The following PCLO variants were observed in gnomAD, a reference collection of about 807,000 sequenced individuals.
PCLO encodes piccolo presynaptic cytomatrix protein.
In PCLO, 82 loss-of-function variants were observed where a neutral mutation model predicts 427.5. That is an observed-to-expected ratio of 0.19 (90% CI 0.16 to 0.23). The LOEUF (loss-of-function observed/expected upper bound fraction) is 0.23. Ranked by LOEUF, PCLO falls within the 10% of genes least tolerant of loss-of-function variation. The probability of loss-of-function intolerance (pLI) is 1.00; values close to 1 mark genes in which losing one functional copy is unlikely to be tolerated. For missense variants in PCLO, 6,239 were observed against 6,115.9 expected, an observed-to-expected ratio of 1.02 and a Z score of -0.67; for synonymous variants, 2,357 against 2,155.4, an observed-to-expected ratio of 1.09 and a Z score of -2.59.
chr7:82,899,296 A>G (rs1013722131), intron 9 of PCLO, among the ~76,000 whole-genome samples: 6 of 151,440 alleles, frequency 4.0e-5, no homozygotes, highest in African/African-American at 1.5e-4. Flanking sequence ...AATGACACAG[A>G]GACTAGCCAG....
chr7:82,891,134 T>C (rs1208477079), intron 9 of PCLO, among the ~76,000 whole-genome samples: 1 of 152,128 alleles, frequency 6.6e-6, no homozygotes, highest in East Asian at 1.9e-4. Flanking sequence ...GTATCTTCCC[T>C]GCAAAATGAA....
intron 9 of PCLO, among the ~76,000 whole-genome samples, chr7:82,883,967 T>C (rs1025719298): frequency 3.3e-5 from 5 of 152,148 alleles, no homozygotes; most frequent in Non-Finnish European, 7.4e-5. Flanking sequence ...CAGGGGTTTT[T>C]GCCATGTTGG....
intron 16 of PCLO, among the ~76,000 whole-genome samples, chr7:82,832,707 G>T (rs1402186417): frequency 3.3e-5 from 5 of 151,366 alleles, no homozygotes; most frequent in Non-Finnish European, 5.9e-5. Context: ...AAATTTGAAG[G>T]CTTCTTTGGT....
intron 9 of PCLO, among the ~76,000 whole-genome samples, chr7:82,883,443 T>G (rs184291822): frequency 6.6e-6 from 1 of 152,112 alleles, no homozygotes; most frequent in East Asian, 1.9e-4. Flanking sequence ...TCCCTTTTTG[T>G]CCTATCAAAT....
At chr7:83,159,209 T>G (rs965662700) in intron 1 of PCLO, among the ~76,000 whole-genome samples, 1 of 152,104 alleles carries the variant, frequency 6.6e-6, no homozygotes, top group Non-Finnish European at 1.5e-5. Flanking sequence ...TTGCTTTCAC[T>G]TAAAATTCTT....
chr7:83,118,065 G>A (rs1791178399), intron 3 of PCLO, among the ~76,000 whole-genome samples: 1 of 152,070 alleles, frequency 6.6e-6, no homozygotes, highest in South Asian at 2.1e-4. Flanking sequence ...GAGTACAAAG[G>A]ATAAATTACT....
chr7:82,879,577 A>G, intron 9 of PCLO, 115 bp from the exon 10 acceptor site: 2 of 682,104 alleles, frequency 2.9e-6, no homozygotes, highest in South Asian at 2.1e-5. Context: ...ATATAACATG[A>G]ATATTGGAAA....
chr7:82,908,819 G>C (rs915925403), intron 8 of PCLO, 58 bp downstream of exon 8: 34 of 1,421,620 alleles, frequency 2.4e-5, no homozygotes, highest in Non-Finnish European at 3.1e-5. Flanking sequence ...GACCATTCTA[G>C]GGTAGACTTG....
intron 16 of PCLO, among the ~76,000 whole-genome samples, chr7:82,835,046 G>A (rs184090937): frequency 1.3e-5 from 2 of 151,904 alleles, no homozygotes; most frequent in Non-Finnish European, 2.9e-5. Context: ...CTAGGTTCAC[G>A]CTATTTTCCT....
At chr7:82,917,155 A>G (rs1406864428) in intron 6 of PCLO, among the ~76,000 whole-genome samples, 1 of 152,116 alleles carries the variant, frequency 6.6e-6, no homozygotes, top group Non-Finnish European at 1.5e-5. Flanking sequence ...TACTGAATCT[A>G]TTTCCAGAGT....
At chr7:83,039,223 A>G (rs1788909298) in intron 3 of PCLO, among the ~76,000 whole-genome samples, 1 of 151,944 alleles carries the variant, frequency 6.6e-6, no homozygotes, top group East Asian at 1.9e-4. Flanking sequence ...TAATTTTGAT[A>G]AAGTCTAATT....
At chr7:82,996,530 T>G (rs774029872) in intron 3 of PCLO, among the ~76,000 whole-genome samples, 1 of 151,942 alleles carries the variant, frequency 6.6e-6, no homozygotes, top group African/African-American at 2.4e-5. Context: ...ACAATCTTGA[T>G]AAAATGTAAA....
chr7:83,085,589 C>T (rs1419168099), intron 3 of PCLO, among the ~76,000 whole-genome samples: 1 of 152,120 alleles, frequency 6.6e-6, no homozygotes, highest in Non-Finnish European at 1.5e-5. Context: ...AAAAGAGGCA[C>T]TTGTGGATGA....
At chr7:82,896,249 G>A (rs918607959) in intron 9 of PCLO, among the ~76,000 whole-genome samples, 2 of 151,662 alleles carry the variant, frequency 1.3e-5, no homozygotes, top group Non-Finnish European at 2.9e-5. Context: ...TAAAATATGG[G>A]AGAAAATCTC....
chr7:82,963,203 C>T (rs1336508606), intron 4 of PCLO, among the ~76,000 whole-genome samples: 2 of 152,070 alleles, frequency 1.3e-5, no homozygotes, highest in East Asian at 1.9e-4. Context: ...TTATGCTATA[C>T]AAAATAATGT....
At chr7:83,094,210 C>CTGTTTTTT (rs61363541) in intron 3 of PCLO, among the ~76,000 whole-genome samples, 1 of 126,020 alleles carries the variant, frequency 7.9e-6, no homozygotes, top group Non-Finnish European at 1.6e-5. Context: ...ATTTTTTTTT[C>CTGTTTTTT]TTTTTTTTTT....
chr7:82,767,458 T>C (rs758493889), intron 22 of PCLO, among the ~76,000 whole-genome samples: 2 of 151,988 alleles, frequency 1.3e-5, no homozygotes, highest in Non-Finnish European at 2.9e-5. Flanking sequence ...ATGCCAGATC[T>C]AAGAACACTA....
In PCLO at chr7:82,915,692, T is replaced by C. The variant is rs1794434302; in HGVS notation, c.12294A>G (p.Leu4098=). The part of the protein sequence containing the change: ...SQEVTDFLAP[L]QSSSRLHSYV... ...AACTATGCAATCTAGAGGAAGACTG[T>C]AAAGGTGCTAGGAAATCTGTCACTT... Residue 4098 remains leucine, a synonymous_variant, in exon 7 of 25, where the codon TTA becomes TTG. Coordinates refer to ENST00000333891, the MANE Select transcript of PCLO (RefSeq NM_033026.6). 6.2e-7 allele frequency: 1 copy of C among 1,612,756 alleles called. No homozygotes were observed. Among genetic ancestry groups the C allele is most frequent in the South Asian group, 1.1e-5 (1 of 91,050 alleles).
Position 83,134,264 on chromosome 7 carries a change from G to C in PCLO, c.3286C>G (p.Pro1096Ala), listed in dbSNP as rs1352830415. The C allele has an allele frequency of 7.0e-7, 1 of 1,436,544 alleles. No homozygotes were observed. The allele number at this position is 1,436,544 out of a possible 1,614,324, so 89.0% of individuals were successfully genotyped here. A position where few individuals can be genotyped will look rare whatever the true frequency, so the allele number is the denominator to read the frequency against. Residue 1096 changes from proline to alanine, a missense_variant, in exon 3 of 25, where the codon CCA (proline) becomes GCA (alanine). This residue lies in a region of PCLO where 4,677 missense variants were observed against 4,468.4 expected (regional missense o/e 1.05). Transcript: ENST00000333891. ...ATATAACTTACCTCAGTCAAATGTG[G>C]TGTAGGGTTAAATCCACAGAGATTA... ...VCNLCGFNPT[P>A]HLTEIQEWLC...
Sources: gnomAD v4.1 joint callset for allele counts (sites outside exome capture counted in the v4.1 genomes callset) on GRCh38, gnomAD v4.1.1 for gene constraint, gnomAD v4.1.1 regional missense constraint, MANE v1.5 for transcripts, NCBI Gene and HGNC (gene_info 2026-07-23, HGNC 2026-07-21) for gene names.